ULK4: variants seen among roughly 807,000 people sequenced by gnomAD.
ULK4 encodes inactive serine/threonine-protein kinase ULK4.
A neutral mutation model predicts 160.6 loss-of-function variants in ULK4; 133 were observed. The observed-to-expected ratio is 0.83, with a 90% CI of 0.72 to 0.96. The LOEUF (loss-of-function observed/expected upper bound fraction) is 0.96, where lower values mean the gene tolerates loss of function less well. Ranked by LOEUF, ULK4 falls within the 40% of genes least tolerant of loss-of-function variation. The pLI is 0.00. For missense variants in ULK4, 1,580 were observed against 1,499.5 expected (o/e 1.05, Z -0.89); for synonymous variants, 534 against 539.8 (o/e 0.99, Z 0.15).
intron 17 of ULK4, among the ~76,000 whole-genome samples, chr3:41,856,992 C>T (rs1472128821): frequency 1.3e-5 from 2 of 152,026 alleles, no homozygotes; most frequent in African/African-American, 4.8e-5. Flanking sequence ...CTTTGCTTTC[C>T]TATTAGACTG....
chr3:41,750,633 C>T (rs755183161), intron 22 of ULK4, among the ~76,000 whole-genome samples: 1 of 152,144 alleles, frequency 6.6e-6, no homozygotes, highest in Non-Finnish European at 1.5e-5. Flanking sequence ...ACACTGCCTT[C>T]TCCGTAGAGT....
intron 31 of ULK4, among the ~76,000 whole-genome samples, chr3:41,571,549 GAA>G (rs2087974553): frequency 6.6e-6 from 1 of 152,152 alleles, no homozygotes; most frequent in African/African-American, 2.4e-5. Flanking sequence ...TATGAAAAGA[GAA>G]AACATGAGAG....
chr3:41,281,119 C>T (rs2079344140), intron 35 of ULK4, among the ~76,000 whole-genome samples: 1 of 152,134 alleles, frequency 6.6e-6, no homozygotes, highest in African/African-American at 2.4e-5. Flanking sequence ...GAAGTTGAAT[C>T]TCTGAACAGA....
chr3:41,445,521 C>G (rs1186541217), intron 34 of ULK4, among the ~76,000 whole-genome samples: 2 of 152,024 alleles, frequency 1.3e-5, no homozygotes, highest in Admixed American at 1.3e-4. Flanking sequence ...GGTACCAAAA[C>G]AGAGATATAG....
chr3:41,443,814 C>T (rs2083227660), intron 34 of ULK4, among the ~76,000 whole-genome samples: 2 of 151,852 alleles, frequency 1.3e-5, no homozygotes, highest in South Asian at 4.1e-4. Flanking sequence ...GCATGTTAAG[C>T]AATATATTCT....
intron 30 of ULK4, among the ~76,000 whole-genome samples, chr3:41,649,637 G>C (rs2125736968): frequency 6.6e-6 from 1 of 152,350 alleles, no homozygotes; most frequent in East Asian, 1.9e-4. Flanking sequence ...GCCCCCTACA[G>C]ACTTTGGGTG....
At chr3:41,802,850 C>G (rs544817731) in intron 19 of ULK4, among the ~76,000 whole-genome samples, 2 of 152,170 alleles carry the variant, frequency 1.3e-5, no homozygotes, top group South Asian at 4.1e-4. Context: ...GTGATAAATT[C>G]GAGTTACACA....
intron 2 of ULK4, among the ~76,000 whole-genome samples, chr3:41,942,123 G>C (rs1716691): frequency 0.92 from 140,408 of 152,232 alleles, 65,741 homozygotes; most frequent in East Asian, 1. Flanking sequence ...CAGGGCTACT[G>C]AGAACTCGAA....
intron 32 of ULK4, among the ~76,000 whole-genome samples, chr3:41,487,702 G>T (rs183245695): frequency 1.5e-4 from 23 of 151,996 alleles, no homozygotes; most frequent in Non-Finnish European, 2.5e-4. Context: ...CCAGAATAAG[G>T]CTCTAAATAT....
At chr3:41,767,259 GC>G (rs1383264601) in intron 21 of ULK4, among the ~76,000 whole-genome samples, 1 of 152,050 alleles carries the variant, frequency 6.6e-6, no homozygotes, top group Non-Finnish European at 1.5e-5. Flanking sequence ...CAAAAACTCT[GC>G]AAAATACCGA....
intron 21 of ULK4, among the ~76,000 whole-genome samples, chr3:41,780,396 G>C (rs993350943): frequency 1.3e-5 from 2 of 151,806 alleles, no homozygotes; most frequent in Admixed American, 6.6e-5. Context: ...TATAAAAGAT[G>C]TTATCTTTTA....
chr3:41,484,458 C>CTTTTTTTTTT lies in ULK4; in HGVS notation c.3227-21206_3227-21205insAAAAAAAAAA, dbSNP rs369059587. The stretch of plus-strand genomic sequence containing the variant: ...GAGTGACTTTTTTTTCTTTCTTTTC[C>CTTTTTTTTTT]TTTTTTTGTTTTGAGATGGAGTCTC... On this transcript the variant is annotated intron_variant, in intron 32 of 36. Transcript: ENST00000301831. Among the ~76,000 whole-genome samples, 80 of 134,856 alleles carry CTTTTTTTTTT rather than the reference C, an allele frequency of 5.9e-4. 2 individuals carry two copies. Among genetic ancestry groups the CTTTTTTTTTT allele is most frequent in the South Asian group, 1.9e-3 (8 of 4,142 alleles). 88.5% of individuals were successfully genotyped at this position (134,856 alleles called of 152,430 possible). A position where few individuals can be genotyped will look rare whatever the true frequency, so the allele number is the denominator to read the frequency against.
At chr3:41,520,954 A>G (rs892899224) in intron 32 of ULK4, among the ~76,000 whole-genome samples, 1 of 152,274 alleles carries the variant, frequency 6.6e-6, no homozygotes, top group South Asian at 2.1e-4. Context: ...TATATTCAGG[A>G]TATTAATTCC....
chr3:41,358,322 A>G (rs1004510062), intron 35 of ULK4, among the ~76,000 whole-genome samples: 1 of 152,234 alleles, frequency 6.6e-6, no homozygotes, highest in Non-Finnish European at 1.5e-5. Context: ...CAAATTCATT[A>G]TCTATGTAGT....
At position 41,592,939 on chromosome 3, in the gene ULK4, C is replaced by G. The variant is rs1254501629; in HGVS notation, c.3120+22730G>C. Among the ~76,000 whole-genome samples, 4 of 152,122 alleles carry G rather than the reference C, an allele frequency of 2.6e-5. No individual in the cohort carries two copies. In the East Asian group the frequency reaches 7.7e-4, roughly 29 times the overall value. ...GATGTCACTTCCTCTGGGACATCCT[C>G]ATGCTTTCTGTCACAACCACTTTCC... On this transcript the variant is annotated intron_variant, in intron 31 of 36. Coordinates refer to ENST00000301831, the MANE Select transcript of ULK4 (RefSeq NM_017886.4).
chr3:41,293,216 T>A (rs1358286998), intron 35 of ULK4, among the ~76,000 whole-genome samples: 1 of 151,626 alleles, frequency 6.6e-6, no homozygotes, highest in East Asian at 1.9e-4. Context: ...AGGAAACAAC[T>A]TAAGATTCAC....
intron 30 of ULK4, among the ~76,000 whole-genome samples, chr3:41,627,494 A>G (rs941867502): frequency 1.3e-5 from 2 of 152,248 alleles, no homozygotes; most frequent in African/African-American, 4.8e-5. Flanking sequence ...CGGCAAGGAC[A>G]CACTGTCATC....
intron 35 of ULK4, among the ~76,000 whole-genome samples, chr3:41,388,522 T>C (rs939095790): frequency 2.8e-4 from 43 of 152,138 alleles, no homozygotes; most frequent in Admixed American, 1.6e-3. Flanking sequence ...AACGTGTAAG[T>C]CTTTAATCCA....
chr3:41,881,699 A>C (rs1256705721), intron 17 of ULK4, among the ~76,000 whole-genome samples: 1 of 152,152 alleles, frequency 6.6e-6, no homozygotes, highest in African/African-American at 2.4e-5. Context: ...ATTTTTTTTA[A>C]TCAAATAAGT....
Sources: gnomAD v4.1 joint callset for allele counts (sites outside exome capture counted in the v4.1 genomes callset) on GRCh38, gnomAD v4.1.1 for gene constraint, MANE v1.5 for transcripts, NCBI Gene and HGNC (gene_info 2026-07-23, HGNC 2026-07-21) for gene names.